The following NDUFB9 variants were observed in gnomAD, a reference collection of about 807,000 sequenced individuals.
The protein encoded by NDUFB9 is NADH:ubiquinone oxidoreductase subunit B9, also known as NADH dehydrogenase [ubiquinone] 1 beta subcomplex subunit 9.
Under a neutral mutation model 30.2 loss-of-function variants are expected in NDUFB9, and 24 were observed. The ratio of observed to expected loss-of-function variants is 0.80; its 90% CI spans 0.58 to 1.12. The LOEUF is 1.12. Among genes scored for constraint, NDUFB9 ranks in the 50% most tolerant of loss-of-function variants. NDUFB9 has a pLI of 0.00. For synonymous variants in NDUFB9, 80 were observed against 84.0 expected (o/e 0.95, Z 0.26); for missense variants, 204 against 226.0 (o/e 0.90, Z 0.62).
intron 2 of NDUFB9, among the ~76,000 whole-genome samples, chr8:124,544,756 A>G (rs1822113743): frequency 6.6e-6 from 1 of 152,182 alleles, no homozygotes; most frequent in Non-Finnish European, 1.5e-5. Flanking sequence ...TCTGCAGCCC[A>G]TGGATCAAGG....
At chr8:124,541,509 G>A (rs1821985655) in intron 1 of NDUFB9, among the ~76,000 whole-genome samples, 1 of 152,182 alleles carries the variant, frequency 6.6e-6, no homozygotes, top group Admixed American at 6.5e-5. Flanking sequence ...TTTAAAGTGT[G>A]TTTATCTTAT....
At chr8:124,547,526 C>A in intron 3 of NDUFB9, 2 of 469,686 alleles carry the variant, frequency 4.3e-6, no homozygotes, top group South Asian at 5.0e-5. Flanking sequence ...AGCAGAGAGA[C>A]CCTTCTAGGA....
intron 2 of NDUFB9, 92 bp downstream of exon 2, chr8:124,543,371 G>T (rs1487114655): frequency 7.6e-7 from 1 of 1,324,274 alleles, no homozygotes; most frequent in African/African-American, 1.5e-5. Context: ...GCCCTTCAAG[G>T]GGTAGCTAGG....
At chr8:124,543,759 T>C (rs1215342602) in intron 2 of NDUFB9, among the ~76,000 whole-genome samples, 2 of 152,202 alleles carry the variant, frequency 1.3e-5, no homozygotes, top group Non-Finnish European at 2.9e-5. Flanking sequence ...CAATAGTTCC[T>C]CCGCCTCTAT....
At chr8:124,543,314 A>G in intron 2 of NDUFB9, 35 bp downstream of exon 2, 5 of 1,595,940 alleles carry the variant, frequency 3.1e-6, no homozygotes, top group Non-Finnish European at 4.3e-6. Flanking sequence ...CTTCTGAGAA[A>G]TAGACTTTGT....
intron 2 of NDUFB9, 148 bp from the exon 3 acceptor site, chr8:124,546,852 G>A: frequency 1.4e-6 from 1 of 737,962 alleles, no homozygotes; most frequent in Non-Finnish European, 2.5e-6. Context: ...ATCCTCTGCT[G>A]TTCCTTGCTT....
intron 3 of NDUFB9, among the ~76,000 whole-genome samples, chr8:124,548,229 G>T (rs1022391438): frequency 1.3e-5 from 2 of 152,162 alleles, no homozygotes; most frequent in South Asian, 2.1e-4. Context: ...AAACAGAAAC[G>T]TGGGAGTTTT....
chr8:124,539,210 C>T lies in NDUFB9; in HGVS notation c.24C>T (p.Pro8=), dbSNP rs147044660. The change falls in exon 1 of 4, where the codon CCC becomes CCT. Residue 8 remains proline (P), a synonymous_variant. Transcript: ENST00000276689. MAFLASG[P]YLTHQQKVLR... ...TAATGGCGTTCTTGGCGTCGGGACCCTACCTGACCCATCAGCAAAAGGTGT... is the reference window on the plus strand; with the variant it reads ...TAATGGCGTTCTTGGCGTCGGGACCTTACCTGACCCATCAGCAAAAGGTGT... 2.5e-3 allele frequency: 4,099 copies of T among 1,614,228 alleles called. 8 individuals are homozygous for T. Among genetic ancestry groups the T allele is most frequent in the Admixed American group, 3.7e-3 (221 of 60,032 alleles).
intron 2 of NDUFB9, 77 bp from the exon 3 acceptor site, chr8:124,546,923 A>G: frequency 1.0e-6 from 1 of 957,124 alleles, no homozygotes; most frequent in African/African-American, 1.6e-5. Context: ...TCTTTGTCTT[A>G]CATCTCCTGA....
chr8:124,547,146 C>G (rs540794842), intron 3 of NDUFB9, 33 bp downstream of exon 3: 10 of 1,530,532 alleles, frequency 6.5e-6, no homozygotes, highest in South Asian at 3.4e-5. Context: ...TATTCCTTAG[C>G]TATGTAGATG....
intron 3 of NDUFB9, among the ~76,000 whole-genome samples, chr8:124,548,684 G>C (rs1396963238): frequency 2.6e-5 from 4 of 152,128 alleles, no homozygotes; most frequent in Non-Finnish European, 5.9e-5. Context: ...CAAGGGACTT[G>C]AGGTTATTCG....
Position 124,539,379 on chromosome 8 carries a change from CG to C in NDUFB9, c.101+95del. ...TGGGTACCTGGAGGTTCAAGGACTT[CG>C]GGAACGGAATTGGAAGGTGGCCTCT... On this transcript the variant is annotated intron_variant, in intron 1 of 3. Transcript: ENST00000276689. 3.4e-6 allele frequency: 4 copies of C among 1,167,226 alleles called. No individual in the cohort carries two copies. In the South Asian group the frequency reaches 4.9e-5, roughly 14 times the overall value. The allele number at this position is 1,167,226 out of a possible 1,614,324, so 72.3% of individuals were successfully genotyped here. A position where few individuals can be genotyped will look rare whatever the true frequency, so the allele number is the denominator to read the frequency against.
intron 1 of NDUFB9, among the ~76,000 whole-genome samples, chr8:124,541,040 C>T (rs776140729): frequency 3.3e-5 from 5 of 152,088 alleles, no homozygotes; most frequent in Non-Finnish European, 5.9e-5. Context: ...GTGGTGGGTG[C>T]CTGTAATCCC....
chr8:124,545,196 G>A (rs552195849), intron 2 of NDUFB9, among the ~76,000 whole-genome samples: 1 of 152,314 alleles, frequency 6.6e-6, no homozygotes, highest in South Asian at 2.1e-4. Context: ...TGTGAACATT[G>A]ATGATAACAA....
chr8:124,543,098 G>A lies in NDUFB9; in HGVS notation c.113G>A (p.Arg38Gln), dbSNP rs1410934897. The A allele has an allele frequency of 9.9e-6, 16 of 1,614,008 alleles. No homozygotes were observed. The highest frequency in any genetic ancestry group is 1.3e-5 in the African/African-American group (1 of 74,930). The change falls in exon 2 of 4, where the codon CGA becomes CAA. Residue 38 changes from arginine to glutamine, a missense_variant. Arg to Gln is a conservative substitution (Grantham distance 43). Transcript: ENST00000276689. ...ESWCVQRDKY[R>Q]YFACLMRARF... ...CATTTTGGTTTAAGAGACAAATACCGATACTTTGCTTGTTTGATGAGAGCC... is the reference window on the plus strand; with the variant it reads ...CATTTTGGTTTAAGAGACAAATACCAATACTTTGCTTGTTTGATGAGAGCC...
intron 3 of NDUFB9, 195 bp downstream of exon 3, chr8:124,547,308 C>A: frequency 7.6e-6 from 5 of 661,196 alleles, no homozygotes; most frequent in South Asian, 6.6e-5. Context: ...ATTCCCTGGT[C>A]GTTTTGGCTT....
At chr8:124,539,657 C>T (rs113111664) in intron 1 of NDUFB9, among the ~76,000 whole-genome samples, 4 of 152,312 alleles carry the variant, frequency 2.6e-5, no homozygotes, top group African/African-American at 9.6e-5. Context: ...ATATTAACAG[C>T]AATAAACTAT....
chr8:124,540,001 A>T (rs944330320), intron 1 of NDUFB9, among the ~76,000 whole-genome samples: 1 of 152,128 alleles, frequency 6.6e-6, no homozygotes, highest in Non-Finnish European at 1.5e-5. Flanking sequence ...AATTCATTGC[A>T]GGGTGGGCTA....
rs1310355010 is a variant in NDUFB9 at position 124,546,983 on chromosome 8, A to C, written c.295-17A>C. The C allele has an allele frequency of 6.4e-7, 1 of 1,570,616 alleles. No individual in the cohort carries two copies. The highest frequency in any genetic ancestry group is 8.8e-7 in the Non-Finnish European group (1 of 1,142,382). On this transcript the variant is annotated splice_polypyrimidine_tract_variant and intron_variant, in intron 2 of 3. Transcript: ENST00000276689. Reference sequence around the variant, plus strand: ...ATGTGTCCTGTGGATTGATACCATGATTTCCTCTCCTGACAGGTCCCAGAA... The same window carrying C: ...ATGTGTCCTGTGGATTGATACCATGCTTTCCTCTCCTGACAGGTCCCAGAA...
Sources: gnomAD v4.1 joint callset for allele counts (sites outside exome capture counted in the v4.1 genomes callset) on GRCh38, gnomAD v4.1.1 for gene constraint, MANE v1.5 for transcripts, NCBI Gene and HGNC (gene_info 2026-07-23, HGNC 2026-07-21) for gene names.